The following ARB2A variants were observed in gnomAD, a reference collection of about 807,000 sequenced individuals.
ARB2A encodes the protein cotranscriptional regulator ARB2A.
At chr5:93,688,902 A>G in the ARB2A span, among the ~76,000 whole-genome samples, 1 of 152,182 alleles carries the variant, frequency 6.6e-6, no homozygotes, top group Non-Finnish European at 1.5e-5. Flanking sequence ...CATCCAGGTC[A>G]TCATGATTTA....
the ARB2A span, among the ~76,000 whole-genome samples, chr5:94,026,845 G>A: frequency 6.6e-6 from 1 of 152,160 alleles, no homozygotes; most frequent in East Asian, 1.9e-4. Context: ...GTTATCAATA[G>A]CCCAGCCAAA....
chr5:94,086,059 G>A, the ARB2A span, among the ~76,000 whole-genome samples: 1 of 152,174 alleles, frequency 6.6e-6, no homozygotes, highest in East Asian at 1.9e-4. Flanking sequence ...ATAAGTCAAT[G>A]CAAGTTATTG....
the ARB2A span, among the ~76,000 whole-genome samples, chr5:94,013,358 A>G: frequency 6.6e-6 from 1 of 151,762 alleles, no homozygotes; most frequent in East Asian, 1.9e-4. Flanking sequence ...TTGTAATTTT[A>G]GTAGAGACGG....
chr5:93,771,018 C>A, the ARB2A span, among the ~76,000 whole-genome samples: 286 of 152,184 alleles, frequency 1.9e-3, no homozygotes, highest in African/African-American at 6.7e-3. Flanking sequence ...CCAAAAAAAA[C>A]AAAGCTGGAG....
chr5:93,869,234 AG>A, the ARB2A span, among the ~76,000 whole-genome samples: 1 of 152,314 alleles, frequency 6.6e-6, no homozygotes, highest in Admixed American at 6.5e-5. Context: ...TTGGAGACAG[AG>A]GGCCTTAAGT....
chr5:93,672,300 G>A, the ARB2A span, among the ~76,000 whole-genome samples: 2 of 151,530 alleles, frequency 1.3e-5, no homozygotes, highest in East Asian at 3.9e-4. Context: ...AAATGTTGCT[G>A]TATGCATCAC....
chr5:93,763,565 C>A, the ARB2A span, among the ~76,000 whole-genome samples: 7,101 of 152,210 alleles, frequency 0.047, 206 homozygotes, highest in African/African-American at 0.063. Flanking sequence ...TAGAGACCTA[C>A]AAAGAGACTT....
At chr5:93,940,401 T>C in the ARB2A span, among the ~76,000 whole-genome samples, 1 of 152,066 alleles carries the variant, frequency 6.6e-6, no homozygotes, top group Non-Finnish European at 1.5e-5. Context: ...GGAACCATTG[T>C]TGAAATTCTG....
At chr5:93,838,100 T>C in the ARB2A span, among the ~76,000 whole-genome samples, 1 of 152,210 alleles carries the variant, frequency 6.6e-6, no homozygotes, top group Non-Finnish European at 1.5e-5. Context: ...TCCAGGATGG[T>C]ATATCCTAGG....
the ARB2A span, among the ~76,000 whole-genome samples, chr5:93,868,926 C>G: frequency 1.3e-5 from 2 of 152,178 alleles, no homozygotes; most frequent in Non-Finnish European, 1.5e-5. Flanking sequence ...CTCCATTTAT[C>G]TAGTCACATT....
At chr5:93,909,785 A>G in the ARB2A span, among the ~76,000 whole-genome samples, 1 of 150,976 alleles carries the variant, frequency 6.6e-6, no homozygotes, top group East Asian at 1.9e-4. Context: ...TAAAGAACAA[A>G]ACCAATGTAA....
At chr5:94,110,478 T>C in the ARB2A span, among the ~76,000 whole-genome samples, 1 of 152,186 alleles carries the variant, frequency 6.6e-6, no homozygotes, top group Non-Finnish European at 1.5e-5. Context: ...ATCCTTAACT[T>C]TTCAGCGTAG....
At chr5:93,990,619 G>GT in the ARB2A span, among the ~76,000 whole-genome samples, 26 of 20,264 alleles carry the variant, frequency 1.3e-3, no homozygotes, top group African/African-American at 3.3e-3. Context: ...TCTACCATGA[G>GT]TAAAAAAAAA....
At chr5:94,043,269 T>C in the ARB2A span, among the ~76,000 whole-genome samples, 2 of 152,194 alleles carry the variant, frequency 1.3e-5, no homozygotes, top group African/African-American at 4.8e-5. Flanking sequence ...TTTTTAACTT[T>C]GCTTGAAACA....
At chr5:93,769,814 GAT>G in the ARB2A span, among the ~76,000 whole-genome samples, 1 of 152,284 alleles carries the variant, frequency 6.6e-6, no homozygotes, top group Non-Finnish European at 1.5e-5. Flanking sequence ...GTGATAAATG[GAT>G]ATGTGCTGGG....
the ARB2A span, among the ~76,000 whole-genome samples, chr5:93,696,065 T>G: frequency 1.3e-5 from 2 of 151,816 alleles, no homozygotes; most frequent in African/African-American, 4.8e-5. Flanking sequence ...GGGAAAGCAT[T>G]AGGAGAAATA....
chr5:93,798,942 A>G, the ARB2A span, among the ~76,000 whole-genome samples: 3 of 152,102 alleles, frequency 2.0e-5, no homozygotes, highest in Non-Finnish European at 4.4e-5. Context: ...CTTTAATTCC[A>G]TGGACTGAAT....
At chr5:93,705,818 T>C in the ARB2A span, among the ~76,000 whole-genome samples, 1 of 152,152 alleles carries the variant, frequency 6.6e-6, no homozygotes, top group African/African-American at 2.4e-5. Context: ...AAATGATTAG[T>C]AATGTCAAAA....
At chr5:93,645,248 G>A in the ARB2A span, among the ~76,000 whole-genome samples, 1 of 152,116 alleles carries the variant, frequency 6.6e-6, no homozygotes, top group East Asian at 1.9e-4. Context: ...GTTGAAATAT[G>A]CTAAACTCTA....
Sources: allele counts gnomAD v4.1 joint callset (sites outside exome capture counted in the v4.1 genomes callset), GRCh38; gene constraint gnomAD v4.1.1; transcripts MANE v1.5; gene names NCBI Gene and HGNC (gene_info 2026-07-23, HGNC 2026-07-21).